CUX1: variants seen among roughly 807,000 people sequenced by gnomAD.
CUX1 encodes the protein cut like homeobox 1.
In CUX1, 31 loss-of-function variants were observed where a neutral mutation model predicts 158.8. That is an observed-to-expected ratio of 0.20 (90% CI 0.15 to 0.26). The LOEUF (loss-of-function observed/expected upper bound fraction) is 0.26, where lower values mean the gene tolerates loss of function less well. CUX1 is among the 10% of genes least tolerant of loss of function. The probability of loss-of-function intolerance (pLI) is 1.00; values close to 1 mark genes in which losing one functional copy is unlikely to be tolerated. For synonymous variants in CUX1, 879 were observed against 862.1 expected, an observed-to-expected ratio of 1.02 and a Z score of -0.34; for missense variants, 1,589 against 2,014.6, an observed-to-expected ratio of 0.79 and a Z score of 4.04.
In CUX1 at chr7:102,253,670, G is replaced by C. The variant is rs868956436; in HGVS notation, c.*4628G>C. ...GCAGAGAGATTTTGAACTGAGGGGC[G>C]ACAGCCTTTGCCTTAAATGCAGTAT... On this transcript the variant is annotated 3_prime_UTR_variant, in exon 24 of 24. Transcript: ENST00000292535. The C allele has an allele frequency of 1.0e-6, 1 of 985,136 alleles. No homozygotes were observed. Among genetic ancestry groups the C allele is most frequent in the Non-Finnish European group, 1.2e-6 (1 of 829,894 alleles). 61.0% of individuals were successfully genotyped at this position (985,136 alleles called of 1,614,324 possible).
At chr7:102,189,962 C>A in intron 12 of CUX1, 91 bp downstream of exon 12, 1 of 1,382,184 alleles carries the variant, frequency 7.2e-7, no homozygotes, top group Non-Finnish European at 1.0e-6. Context: ...GAAGCCTTGG[C>A]CCCCTGCCCT....
intron 1 of CUX1, chr7:101,822,353 T>A (rs556950689): frequency 6.6e-6 from 1 of 152,278 alleles, no homozygotes; most frequent in South Asian, 2.1e-4. Context: ...CAGTTTTGGA[T>A]TTGCTGAGCT....
At chr7:101,842,850 G>A (rs1795307941) in intron 1 of CUX1, among the ~76,000 whole-genome samples, 1 of 140,706 alleles carries the variant, frequency 7.1e-6, no homozygotes, top group Non-Finnish European at 1.5e-5. Context: ...AATTCTATTC[G>A]TTTTGACATT....
intron 18 of CUX1, 102 bp from the exon 19 acceptor site, chr7:102,204,289 C>T (rs1795734044): frequency 4.1e-6 from 6 of 1,470,090 alleles, no homozygotes; most frequent in Non-Finnish European, 5.6e-6. Context: ...AGAAGTCAGC[C>T]CTAGACGCGC....
chr7:101,973,580 A>G (rs1311167421), intron 2 of CUX1, among the ~76,000 whole-genome samples: 2 of 152,126 alleles, frequency 1.3e-5, no homozygotes, highest in Non-Finnish European at 2.9e-5. Context: ...CGCCAAATGA[A>G]TGCACCCGTG....
At chr7:102,051,273 G>T (rs1342970036) in intron 3 of CUX1, among the ~76,000 whole-genome samples, 2 of 151,792 alleles carry the variant, frequency 1.3e-5, no homozygotes, top group African/African-American at 4.8e-5. Context: ...GATGATCTTT[G>T]TCTTCTTTAA....
chr7:102,276,003 C>T (rs1417378802), intron 17 of CUX1, among the ~76,000 whole-genome samples: 1 of 128,586 alleles, frequency 7.8e-6, no homozygotes, highest in Non-Finnish European at 1.6e-5. Flanking sequence ...CAGAGCAAGA[C>T]TCCATCTCAA....
At chr7:101,877,770 G>A (rs1188555616) in intron 1 of CUX1, among the ~76,000 whole-genome samples, 1 of 92,466 alleles carries the variant, frequency 1.1e-5, no homozygotes, top group African/African-American at 5.2e-5. Flanking sequence ...GTGTGTGTGT[G>A]TGTGTGTGTG....
intron 9 of CUX1, among the ~76,000 whole-genome samples, chr7:102,162,558 T>A (rs1200446180): frequency 1.3e-5 from 2 of 152,012 alleles, no homozygotes; most frequent in African/African-American, 2.4e-5. Flanking sequence ...ACTACAGGCA[T>A]ATGGCACCAC....
At chr7:102,025,128 C>A (rs1563145590) in intron 2 of CUX1, among the ~76,000 whole-genome samples, 1 of 152,172 alleles carries the variant, frequency 6.6e-6, no homozygotes, top group Admixed American at 6.6e-5. Context: ...TCCTGCCTGT[C>A]TCTTACTAGG....
chr7:102,078,624 A>G (rs1457999642), intron 4 of CUX1, among the ~76,000 whole-genome samples: 1 of 152,228 alleles, frequency 6.6e-6, no homozygotes, highest in African/African-American at 2.4e-5. Context: ...AATCTTAGGA[A>G]GCACATTACC....
chr7:101,853,628 T>C (rs1274971128), intron 1 of CUX1, among the ~76,000 whole-genome samples: 1 of 142,864 alleles, frequency 7.0e-6, no homozygotes, highest in Non-Finnish European at 1.5e-5. Flanking sequence ...TGTGTCGGGG[T>C]AAAGAGCAGT....
chr7:102,137,490 G>C (rs1451561981), intron 8 of CUX1, among the ~76,000 whole-genome samples: 1 of 152,108 alleles, frequency 6.6e-6, no homozygotes, highest in Non-Finnish European at 1.5e-5. Context: ...ACAAAAATTA[G>C]CCGGGCGTGG....
intron 3 of CUX1, among the ~76,000 whole-genome samples, chr7:102,047,817 G>A (rs1464977957): frequency 6.6e-6 from 1 of 152,140 alleles, no homozygotes; most frequent in Non-Finnish European, 1.5e-5. Context: ...TTTTACTAAA[G>A]TTCCATCAAT....
At chr7:102,097,303 C>A in intron 4 of CUX1, 61 bp from the exon 5 acceptor site, 1 of 1,548,166 alleles carries the variant, frequency 6.5e-7, no homozygotes, top group African/African-American at 1.4e-5. Context: ...GCCTGTGTAC[C>A]GCCGTGGAGG....
chr7:101,904,194 G>A (rs1802494482), intron 1 of CUX1, among the ~76,000 whole-genome samples: 1 of 151,896 alleles, frequency 6.6e-6, no homozygotes, highest in Non-Finnish European at 1.5e-5. Flanking sequence ...CAGCTACTCA[G>A]ATGGCTGAGG....
chr7:102,265,696 G>A lies in CUX1; in HGVS notation c.1256-7670G>A, dbSNP rs986699537. Among the ~76,000 whole-genome samples, 4 of 152,056 alleles carry A rather than the reference G, an allele frequency of 2.6e-5. No individual in the cohort carries two copies. In the South Asian group the frequency reaches 8.3e-4, roughly 32 times the overall value. On this transcript the variant is annotated intron_variant, in intron 14 of 22. Transcript: ENST00000292538. The stretch of plus-strand genomic sequence containing the variant: ...AATCTTCCTGCCTCAGCCTCCCAAA[G>A]TCCTGGGATTACAGGCATGAGACAG...
At chr7:102,273,354 C>G (rs1554546723) in intron 14 of CUX1, 6 of 1,610,452 alleles carry the variant, frequency 3.7e-6, no homozygotes. Context: ...CCATGTCTTC[C>G]TTTGGCCACA....
At chr7:102,019,088 G>GT (rs1417519878) in intron 2 of CUX1, among the ~76,000 whole-genome samples, 1 of 152,208 alleles carries the variant, frequency 6.6e-6, no homozygotes, top group Non-Finnish European at 1.5e-5. Context: ...CCTCTGTGCA[G>GT]TTCGAATCTG....
Sources: allele counts gnomAD v4.1 joint callset (sites outside exome capture counted in the v4.1 genomes callset), GRCh38; gene constraint gnomAD v4.1.1; transcripts MANE v1.5; gene names NCBI Gene and HGNC (gene_info 2026-07-23, HGNC 2026-07-21).